ESR1: variants seen among roughly 807,000 people sequenced by gnomAD.
ESR1 encodes estrogen receptor 1, also known as estrogen receptor.
In ESR1, 12 loss-of-function variants were observed where a neutral mutation model predicts 52.7. The ratio of observed to expected loss-of-function variants is 0.23; its 90% CI spans 0.15 to 0.37. The LOEUF (loss-of-function observed/expected upper bound fraction) is 0.37, where lower values mean the gene tolerates loss of function less well. Among genes scored for constraint, ESR1 ranks in the 10% least tolerant of loss-of-function variants. ESR1 has a pLI of 1.00. For missense variants in ESR1, 584 were observed against 779.7 expected (o/e 0.75, Z 2.99); for synonymous variants, 305 against 316.8 (o/e 0.96, Z 0.39).
chr6:151,756,155 C>T (rs1443499783), intron 2 of ESR1, among the ~76,000 whole-genome samples: 1 of 152,128 alleles, frequency 6.6e-6, no homozygotes, highest in Admixed American at 6.5e-5. Flanking sequence ...TGAGTCCTTC[C>T]CTGGCCCCCA....
At chr6:151,913,101 T>C (rs1444849140) in intron 3 of ESR1, among the ~76,000 whole-genome samples, 1 of 151,800 alleles carries the variant, frequency 6.6e-6, no homozygotes, top group Non-Finnish European at 1.5e-5. Context: ...GAAAAAGAAA[T>C]AAAAAATAAT....
At position 151,899,587 on chromosome 6, in the gene ESR1, C is replaced by G. The variant is rs1332575129; in HGVS notation, c.760+18816C>G. 2.7e-5 allele frequency among the ~76,000 whole-genome samples: 4 copies of G among 150,920 alleles called. No individual in the cohort carries two copies. In the East Asian group the frequency reaches 7.9e-4, roughly 30 times the overall value. On this transcript the variant is annotated intron_variant, in intron 3 of 7. Transcript: ENST00000206249. ...GCCGGGCGGGGAGCTGACCCCCCCACCTCCCTCCCGGACGGGGTGGCTGCC... is the reference window on the plus strand; with the variant it reads ...GCCGGGCGGGGAGCTGACCCCCCCAGCTCCCTCCCGGACGGGGTGGCTGCC...
chr6:151,943,907 G>A (rs1048016564), intron 3 of ESR1, among the ~76,000 whole-genome samples: 6 of 152,160 alleles, frequency 3.9e-5, no homozygotes, highest in African/African-American at 1.4e-4. Context: ...TGTCAGACAA[G>A]TGGCCTGAAG....
At chr6:151,926,179 G>C (rs2032703218) in intron 3 of ESR1, among the ~76,000 whole-genome samples, 1 of 151,798 alleles carries the variant, frequency 6.6e-6, no homozygotes, top group Non-Finnish European at 1.5e-5. Flanking sequence ...TTCTTACTCT[G>C]TTTCACTAGT....
At chr6:151,837,314 G>A (rs1299020072) in intron 1 of ESR1, among the ~76,000 whole-genome samples, 1 of 151,662 alleles carries the variant, frequency 6.6e-6, no homozygotes, top group Admixed American at 6.6e-5. Flanking sequence ...CGGCCAGGCT[G>A]GTCTTGAACT....
At chr6:152,096,352 C>T (rs1461903913) in intron 7 of ESR1, among the ~76,000 whole-genome samples, 2 of 152,142 alleles carry the variant, frequency 1.3e-5, no homozygotes, top group Non-Finnish European at 2.9e-5. Context: ...ACCTTCAAAT[C>T]CTTAGACCGT....
chr6:151,854,083 T>C (rs1040218808), intron 2 of ESR1, among the ~76,000 whole-genome samples: 1 of 152,154 alleles, frequency 6.6e-6, no homozygotes, highest in Non-Finnish European at 1.5e-5. Context: ...TATATCCTTT[T>C]AAAGAGAATG....
chr6:151,928,529 CA>C (rs1463547862), intron 3 of ESR1, among the ~76,000 whole-genome samples: 5 of 151,192 alleles, frequency 3.3e-5, no homozygotes, highest in African/African-American at 9.7e-5. Flanking sequence ...ATTGTGAAGT[CA>C]AAAAAAATAA....
At chr6:151,744,071 A>G (rs1224564033) in intron 2 of ESR1, among the ~76,000 whole-genome samples, 2 of 152,196 alleles carry the variant, frequency 1.3e-5, no homozygotes, top group African/African-American at 2.4e-5. Context: ...ATATTGCAGC[A>G]TGTGTCAGCA....
At chr6:152,005,316 A>C (rs1234353922) in intron 4 of ESR1, among the ~76,000 whole-genome samples, 2 of 151,992 alleles carry the variant, frequency 1.3e-5, no homozygotes, top group Non-Finnish European at 2.9e-5. Context: ...CTTTTAAATC[A>C]TGAAAAATGT....
intron 5 of ESR1, among the ~76,000 whole-genome samples, chr6:152,048,671 C>T (rs182310907): frequency 9.2e-5 from 14 of 152,190 alleles, no homozygotes; most frequent in Non-Finnish European, 8.8e-5. Context: ...ATATTTACTG[C>T]GTGAAGGAAT....
intron 2 of ESR1, chr6:151,702,154 C>T (rs1389201832): frequency 6.6e-6 from 1 of 152,100 alleles, no homozygotes; most frequent in Non-Finnish European, 1.5e-5. Flanking sequence ...TAGCAGTACA[C>T]CTACTATCTG....
intron 2 of ESR1, among the ~76,000 whole-genome samples, chr6:151,712,495 T>A (rs1780696876): frequency 6.6e-6 from 1 of 152,218 alleles, no homozygotes; most frequent in African/African-American, 2.4e-5. Flanking sequence ...TTTCCATTTC[T>A]TTGTGTCCTC....
intron 1 of ESR1, among the ~76,000 whole-genome samples, chr6:151,691,599 C>T (rs926633790): frequency 6.6e-6 from 1 of 152,072 alleles, no homozygotes; most frequent in Non-Finnish European, 1.5e-5. Flanking sequence ...ATTTTTAATG[C>T]CTTTATGTGC....
At chr6:152,015,884 T>A (rs991952004) in intron 5 of ESR1, among the ~76,000 whole-genome samples, 1 of 152,190 alleles carries the variant, frequency 6.6e-6, no homozygotes, top group African/African-American at 2.4e-5. Context: ...ATCTTTCCCA[T>A]AATCAAACCC....
At chr6:151,790,914 A>G (rs920297045) in intron 2 of ESR1, among the ~76,000 whole-genome samples, 2 of 152,132 alleles carry the variant, frequency 1.3e-5, no homozygotes, top group African/African-American at 4.8e-5. Context: ...GTTATAATGA[A>G]ATTCCTGGGC....
At chr6:152,112,878 C>G (rs1443113532) in intron 6 of ESR1, 1 of 150,422 alleles carries the variant, frequency 6.6e-6, no homozygotes, top group Non-Finnish European at 1.5e-5. Context: ...GTTCCCAAGA[C>G]CCCCTACAGA....
intron 2 of ESR1, among the ~76,000 whole-genome samples, chr6:151,787,405 A>G (rs1737395645): frequency 6.6e-6 from 1 of 152,162 alleles, no homozygotes; most frequent in Non-Finnish European, 1.5e-5. Context: ...TTTGATAGGA[A>G]TAGCATTGAA....
intron 1 of ESR1, among the ~76,000 whole-genome samples, chr6:151,840,741 A>G: frequency 6.6e-6 from 1 of 152,344 alleles, no homozygotes; most frequent in East Asian, 1.9e-4. Context: ...AAGGGCTATC[A>G]TCAATTGACT....
Sources: gnomAD v4.1 joint callset for allele counts (sites outside exome capture counted in the v4.1 genomes callset) on GRCh38, gnomAD v4.1.1 for gene constraint, MANE v1.5 for transcripts, NCBI Gene and HGNC (gene_info 2026-07-23, HGNC 2026-07-21) for gene names.